The following USP49 variants were observed in gnomAD, a reference collection of about 807,000 sequenced individuals.
USP49 encodes ubiquitin specific peptidase 49, also known as ubiquitin carboxyl-terminal hydrolase 49.
USP49 carries 24 observed loss-of-function variants against 58.6 expected under a neutral mutation model. That is an observed-to-expected ratio of 0.41 (90% CI 0.30 to 0.58). The LOEUF is 0.58. USP49 is among the 20% of genes least tolerant of loss of function. USP49 has a pLI of 0.30. For missense variants in USP49, 703 were observed against 866.1 expected, an observed-to-expected ratio of 0.81 and a Z score of 2.36; for synonymous variants, 408 against 365.1, an observed-to-expected ratio of 1.12 and a Z score of -1.34.
intron 3 of USP49, among the ~76,000 whole-genome samples, chr6:41,859,871 A>G (rs1313927515): frequency 1.3e-5 from 2 of 152,222 alleles, no homozygotes; most frequent in Non-Finnish European, 2.9e-5. Context: ...AATAAACTAG[A>G]ATACCAATGG....
intron 5 of USP49, among the ~76,000 whole-genome samples, chr6:41,802,382 T>TTTATA (rs1773016966): frequency 2.8e-5 from 1 of 36,192 alleles, no homozygotes; most frequent in Non-Finnish European, 5.5e-5. Flanking sequence ...TTTCCCACAA[T>TTTATA]TTATTTTATT....
chr6:41,821,832 T>C (rs1306846891), intron 3 of USP49, among the ~76,000 whole-genome samples: 1 of 152,170 alleles, frequency 6.6e-6, no homozygotes, highest in Non-Finnish European at 1.5e-5. Flanking sequence ...AGTCTCACTG[T>C]AGTCTCAGCA....
At chr6:41,814,736 T>G (rs1487967501) in intron 3 of USP49, among the ~76,000 whole-genome samples, 1 of 152,196 alleles carries the variant, frequency 6.6e-6, no homozygotes, top group Non-Finnish European at 1.5e-5. Flanking sequence ...CTAAGGACCG[T>G]AGAATAATCC....
intron 3 of USP49, among the ~76,000 whole-genome samples, chr6:41,815,895 A>G (rs1276302069): frequency 1.3e-5 from 2 of 152,226 alleles, no homozygotes; most frequent in African/African-American, 2.4e-5. Context: ...TGCCAGCATG[A>G]TAATAGCTCA....
chr6:41,851,492 A>G (rs924580925), intron 3 of USP49, among the ~76,000 whole-genome samples: 3 of 152,246 alleles, frequency 2.0e-5, no homozygotes, highest in African/African-American at 4.8e-5. Flanking sequence ...CCTCAAAATC[A>G]TAAAGACCAT....
chr6:41,854,756 A>T (rs1384937719), intron 3 of USP49, among the ~76,000 whole-genome samples: 2 of 152,170 alleles, frequency 1.3e-5, no homozygotes, highest in African/African-American at 4.8e-5. Flanking sequence ...TCAAATCCTT[A>T]GAACAACGCC....
intron 6 of USP49, 122 bp downstream of exon 6, chr6:41,799,708 C>T (rs1050766423): frequency 2.0e-5 from 16 of 795,624 alleles, no homozygotes; most frequent in Non-Finnish European, 3.1e-5. Context: ...ATGGAAAACA[C>T]GAGGTCTCAA....
rs765349191 is a variant in USP49, at chr6:41,806,632, G to A, written c.352C>T (p.Arg118Trp). The A allele has an allele frequency of 3.7e-6, 6 of 1,612,558 alleles. No homozygotes were observed. The highest frequency in any genetic ancestry group is 1.6e-4 in the Middle Eastern group (1 of 6,082). ...DTPVRRGRTL[R>W]SMASGEDVVL... ...ACGTCCTCACCCGAAGCCATGGACC[G>A]CAGCGTCCGCCCACGTCTCACCGGC... The change falls in exon 4 of 8, where the codon CGG (arginine) becomes TGG (tryptophan). Residue 118 changes from arginine (R) to tryptophan (W), a missense_variant. Coordinates refer to ENST00000682992, the MANE Select transcript of USP49 (RefSeq NM_001286554.2). This position sits in a 1 kb window ranked among gnomAD's most constrained non-coding sequence, Gnocchi z 5.9.
At chr6:41,862,078 G>A (rs1008004382) in intron 3 of USP49, among the ~76,000 whole-genome samples, 3 of 152,114 alleles carry the variant, frequency 2.0e-5, no homozygotes, top group Non-Finnish European at 4.4e-5. Flanking sequence ...CCCATGAGAG[G>A]AGAATTATGC....
intron 3 of USP49, among the ~76,000 whole-genome samples, chr6:41,810,094 G>A (rs1221930152): frequency 1.3e-5 from 2 of 151,528 alleles, no homozygotes; most frequent in East Asian, 3.9e-4. Flanking sequence ...GGAGCTTGCA[G>A]TGAGCCGAGA....
At position 41,799,830 on chromosome 6, in the gene USP49, C is replaced by G. The variant is rs1322290467; in HGVS notation, c.1670G>C (p.Arg557Thr). The G allele has an allele frequency of 6.2e-7, 1 of 1,613,778 alleles. No individual in the cohort carries two copies. The highest frequency in any genetic ancestry group is 1.7e-5 in the Admixed American group (1 of 60,000). The stretch of plus-strand genomic sequence containing the variant: ...GCTGGGACTCCCACAGCAAGCTCAC[C>G]TGAATCTTTTAAGGTGCAGCCGGAG... ...QVLRLHLKRFRWSGRNHREKI... is the reference protein window; with the variant it reads ...QVLRLHLKRFTWSGRNHREKI... Residue 557 changes from arginine (R) to threonine (T), a missense_variant and splice_region_variant, in exon 6 of 8, where the codon AGG becomes ACG. This residue lies in a region of USP49 where 158 missense variants were observed against 241.2 expected (regional missense o/e 0.66). Transcript: ENST00000682992.
intron 3 of USP49, among the ~76,000 whole-genome samples, chr6:41,827,601 A>G (rs1179233710): frequency 6.8e-6 from 1 of 147,918 alleles, no homozygotes; most frequent in Non-Finnish European, 1.5e-5. Flanking sequence ...CAGAAGTTGC[A>G]GTGAGCCAAG....
intron 5 of USP49, among the ~76,000 whole-genome samples, chr6:41,802,464 A>ATTTTTTTTTTT (rs1272102736): frequency 2.7e-5 from 2 of 73,698 alleles, no homozygotes; most frequent in African/African-American, 1.1e-4. Context: ...TTATTTATTT[A>ATTTTTTTTTTT]TTTATTTTTT....
intron 3 of USP49, among the ~76,000 whole-genome samples, chr6:41,854,760 C>T (rs60637786): frequency 3.0e-4 from 46 of 152,206 alleles, no homozygotes; most frequent in African/African-American, 1.1e-3. Context: ...ATCCTTAGAA[C>T]AACGCCTTGG....
chr6:41,805,573 AG>A, intron 4 of USP49, 54 bp downstream of exon 4: 3 of 1,546,056 alleles, frequency 1.9e-6, no homozygotes, highest in Non-Finnish European at 2.6e-6. Flanking sequence ...AGGCACTCAC[AG>A]GAAGCCCAAG....
intron 3 of USP49, among the ~76,000 whole-genome samples, chr6:41,863,632 A>T (rs1774260701): frequency 6.6e-6 from 1 of 152,202 alleles, no homozygotes; most frequent in Non-Finnish European, 1.5e-5. Flanking sequence ...AATTTGTCTT[A>T]ATGTTCTCAC....
At chr6:41,799,654 T>A (rs557630562) in intron 6 of USP49, among the ~76,000 whole-genome samples, 176 bp downstream of exon 6, 3 of 152,298 alleles carry the variant, frequency 2.0e-5, no homozygotes, top group Admixed American at 2.0e-4. Context: ...CCTGCTGGGC[T>A]CCCACATCAA....
intron 5 of USP49, among the ~76,000 whole-genome samples, 161 bp from the exon 6 acceptor site, chr6:41,800,099 C>T (rs1335317415): frequency 6.6e-6 from 1 of 152,114 alleles, no homozygotes; most frequent in Non-Finnish European, 1.5e-5. Context: ...GACTGCATTT[C>T]CCAGCTTCAC....
At chr6:41,867,807 A>G (rs1165882475) in intron 3 of USP49, among the ~76,000 whole-genome samples, 3 of 152,300 alleles carry the variant, frequency 2.0e-5, no homozygotes, top group East Asian at 1.9e-4. Context: ...GTCGTTCTTT[A>G]GCTAGTTAGG....
Sources: allele counts gnomAD v4.1 joint callset (sites outside exome capture counted in the v4.1 genomes callset), GRCh38; gene constraint gnomAD v4.1.1; regional missense constraint gnomAD v4.1.1; non-coding constraint Gnocchi (gnomAD v3.1); transcripts MANE v1.5; gene names NCBI Gene and HGNC (gene_info 2026-07-23, HGNC 2026-07-21).